The following STAU2 variants were observed in gnomAD, a reference collection of about 807,000 sequenced individuals.
The protein encoded by STAU2 is double-stranded RNA-binding protein Staufen homolog 2.
Under a neutral mutation model 65.9 loss-of-function variants are expected in STAU2, and 20 were observed. That is an observed-to-expected ratio of 0.30 (90% CI 0.21 to 0.44). The LOEUF is 0.44. Among genes scored for constraint, STAU2 ranks in the 20% least tolerant of loss-of-function variants. The probability of loss-of-function intolerance (pLI) is 1.00; values close to 1 mark genes in which losing one functional copy is unlikely to be tolerated. For synonymous variants in STAU2, 232 were observed against 233.9 expected (o/e 0.99, Z 0.07); for missense variants, 558 against 683.9 (o/e 0.82, Z 2.05).
intron 10 of STAU2, among the ~76,000 whole-genome samples, chr8:73,602,995 A>G (rs1004819916): frequency 3.9e-5 from 6 of 152,176 alleles, no homozygotes; most frequent in African/African-American, 1.4e-4. Context: ...AAAAATCTTA[A>G]TAACTGTTGT....
At chr8:73,546,870 T>C (rs1325415899) in intron 13 of STAU2, among the ~76,000 whole-genome samples, 1 of 152,166 alleles carries the variant, frequency 6.6e-6, no homozygotes, top group Non-Finnish European at 1.5e-5. Flanking sequence ...TCAGGAAAAA[T>C]TACATCATTG....
intron 13 of STAU2, among the ~76,000 whole-genome samples, chr8:73,425,562 A>G (rs1816747739): frequency 6.6e-6 from 1 of 152,176 alleles, no homozygotes; most frequent in East Asian, 1.9e-4. Context: ...GTACTTTACT[A>G]CAGCAGCTCC....
intron 6 of STAU2, among the ~76,000 whole-genome samples, chr8:73,633,541 A>C (rs1030068643): frequency 6.6e-6 from 1 of 151,938 alleles, no homozygotes; most frequent in African/African-American, 2.4e-5. Flanking sequence ...GTGACTATAG[A>C]CTCCAAGTAC....
chr8:73,654,637 C>CAAAAAA (rs71269928), intron 6 of STAU2, among the ~76,000 whole-genome samples: 441 of 26,278 alleles, frequency 0.017, 53 homozygotes, highest in African/African-American at 0.055. Context: ...AAGATTGTCT[C>CAAAAAA]AAAAAAAAAA....
chr8:73,713,682 T>G (rs1586330447), intron 3 of STAU2, among the ~76,000 whole-genome samples: 1 of 151,994 alleles, frequency 6.6e-6, no homozygotes, highest in African/African-American at 2.4e-5. Context: ...ACTGGCAGAA[T>G]ACAGAACGCA....
chr8:73,695,733 C>A (rs1167689127), intron 4 of STAU2, among the ~76,000 whole-genome samples: 3 of 152,114 alleles, frequency 2.0e-5, no homozygotes, highest in Non-Finnish European at 4.4e-5. Context: ...GAAGAATGAG[C>A]CCATGGACCA....
At chr8:73,642,654 T>C (rs1165321987) in intron 6 of STAU2, among the ~76,000 whole-genome samples, 1 of 151,874 alleles carries the variant, frequency 6.6e-6, no homozygotes, top group African/African-American at 2.4e-5. Context: ...TTTTCTTTAT[T>C]TTATCTGCTT....
At chr8:73,719,973 C>A (rs1821524328) in intron 3 of STAU2, among the ~76,000 whole-genome samples, 1 of 152,096 alleles carries the variant, frequency 6.6e-6, no homozygotes, top group Non-Finnish European at 1.5e-5. Context: ...ATTTTTATTT[C>A]TTTAGCATAT....
chr8:73,478,660 G>A (rs1159741106), intron 13 of STAU2, among the ~76,000 whole-genome samples: 1 of 152,050 alleles, frequency 6.6e-6, no homozygotes, highest in Non-Finnish European at 1.5e-5. Flanking sequence ...AGAAGTTAAT[G>A]GGCAAATTCA....
At chr8:73,544,030 C>CAA (rs1806733988) in intron 13 of STAU2, among the ~76,000 whole-genome samples, 1 of 152,152 alleles carries the variant, frequency 6.6e-6, no homozygotes, top group South Asian at 2.1e-4. Flanking sequence ...TCATCTCATC[C>CAA]ATAGTAAAAA....
intron 13 of STAU2, among the ~76,000 whole-genome samples, chr8:73,541,608 T>C (rs1311016647): frequency 6.6e-6 from 1 of 152,084 alleles, no homozygotes; most frequent in East Asian, 1.9e-4. Context: ...TCAACAGAAA[T>C]TGACTCCTAA....
chr8:73,610,687 T>G (rs1812384395), intron 9 of STAU2, among the ~76,000 whole-genome samples: 1 of 152,194 alleles, frequency 6.6e-6, no homozygotes, highest in Non-Finnish European at 1.5e-5. Flanking sequence ...AAGGACAGTC[T>G]TGTAATAATT....
chr8:73,617,840 T>C (rs536993025), intron 6 of STAU2, among the ~76,000 whole-genome samples: 1 of 152,298 alleles, frequency 6.6e-6, no homozygotes, highest in East Asian at 1.9e-4. Context: ...CCGTGCTTTT[T>C]GCAGAAGATA....
chr8:73,519,351 A>T (rs2128927800), intron 13 of STAU2, among the ~76,000 whole-genome samples: 1 of 152,312 alleles, frequency 6.6e-6, no homozygotes, highest in East Asian at 1.9e-4. Flanking sequence ...GTCTCTTTAG[A>T]TTCTGAGGAA....
chr8:73,562,828 C>T (rs1808325869), intron 12 of STAU2, among the ~76,000 whole-genome samples: 1 of 151,774 alleles, frequency 6.6e-6, no homozygotes, highest in Admixed American at 6.6e-5. Context: ...ATATTAAGTA[C>T]TGGGCTGGGT....
At chr8:73,566,987 A>C (rs969857333) in intron 12 of STAU2, among the ~76,000 whole-genome samples, 1 of 152,244 alleles carries the variant, frequency 6.6e-6, no homozygotes, top group Non-Finnish European at 1.5e-5. Context: ...TAGGTTGCTG[A>C]AATACTAATT....
At chr8:73,645,145 G>C (rs913287260) in intron 6 of STAU2, among the ~76,000 whole-genome samples, 30 of 152,128 alleles carry the variant, frequency 2.0e-4, no homozygotes, top group African/African-American at 6.7e-4. Flanking sequence ...TATGGTGGGG[G>C]GAACTACAGA....
intron 3 of STAU2, among the ~76,000 whole-genome samples, chr8:73,716,414 C>T (rs1170910236): frequency 1.3e-5 from 2 of 152,152 alleles, no homozygotes; most frequent in African/African-American, 2.4e-5. Context: ...CTAGTCTTGA[C>T]AGTGCCACCA....
chr8:73,421,143 G>A lies in STAU2; in HGVS notation c.*229C>T. ...AGGATCAGATTTCTGCTGCCTCTAGGCAAATGAGTTATGATCTGATCTCGA... is the reference window on the plus strand; with the variant it reads ...AGGATCAGATTTCTGCTGCCTCTAGACAAATGAGTTATGATCTGATCTCGA... On this transcript the variant is annotated 3_prime_UTR_variant, in exon 15 of 15. Coordinates refer to ENST00000524300, the MANE Select transcript of STAU2 (RefSeq NM_001164380.2). 1 of 428,166 alleles carries A rather than the reference G, an allele frequency of 2.3e-6. No individual in the cohort carries two copies. Among genetic ancestry groups the A allele is most frequent in the Admixed American group, 4.1e-5 (1 of 24,242 alleles). 26.5% of individuals were successfully genotyped at this position (428,166 alleles called of 1,614,324 possible). A position where few individuals can be genotyped will look rare whatever the true frequency, so the allele number is the denominator to read the frequency against.
Sources: allele counts gnomAD v4.1 joint callset (sites outside exome capture counted in the v4.1 genomes callset), GRCh38; gene constraint gnomAD v4.1.1; transcripts MANE v1.5; gene names NCBI Gene and HGNC (gene_info 2026-07-23, HGNC 2026-07-21).